Variants in ZNF510 observed in about 807,000 individuals in gnomAD.
ZNF510 encodes zinc finger protein 510.
Under a neutral mutation model 18.1 loss-of-function variants are expected in ZNF510, and 15 were observed. The ratio of observed to expected loss-of-function variants is 0.83; its 90% CI spans 0.55 to 1.28. The LOEUF is 1.28. Among genes scored for constraint, ZNF510 ranks in the 50% most tolerant of loss-of-function variants. ZNF510 has a pLI of 0.00. For synonymous variants in ZNF510, 261 were observed against 266.4 expected, an observed-to-expected ratio of 0.98 and a Z score of 0.20; for missense variants, 724 against 791.8, an observed-to-expected ratio of 0.91 and a Z score of 1.03.
intron 3 of ZNF510, among the ~76,000 whole-genome samples, chr9:96,768,758 A>G (rs1849528194): frequency 1.3e-5 from 2 of 152,166 alleles, no homozygotes; most frequent in South Asian, 2.1e-4. Context: ...TAAGATGACA[A>G]TACTCCCAAA....
rs373622527 is a variant in ZNF510, at chr9:96,759,104, C to T, written c.1726G>A (p.Glu576Lys). ...GTCCGGGCAAAAGTTTTCCCACATT[C>T]GTTACATTTGAATGGTTTCTCTCCC... is the stretch of plus-strand genomic sequence containing the variant. The part of the protein sequence containing the change: ...HTGEKPFKCN[E>K]CGKTFARTST... The change falls in exon 6 of 6, where the codon GAA (glutamate) becomes AAA (lysine). Residue 576 changes from glutamate to lysine, a missense_variant. By Grantham distance (56) the Glu-to-Lys change is moderately conservative. Transcript: ENST00000223428. The T allele has an allele frequency of 9.5e-5, 154 of 1,614,030 alleles. 1 individual carries two copies. Among genetic ancestry groups the T allele is most frequent in the East Asian group, 9.4e-4 (42 of 44,882 alleles).
intron 3 of ZNF510, among the ~76,000 whole-genome samples, chr9:96,772,955 A>G (rs1206176309): frequency 6.6e-6 from 1 of 152,228 alleles, no homozygotes; most frequent in Non-Finnish European, 1.5e-5. Context: ...CAAACAGGAA[A>G]AACAAATGAA....
In ZNF510 at chr9:96,760,339, A is replaced by G. The variant is rs1849315558; in HGVS notation, c.491T>C (p.Val164Ala). The G allele has an allele frequency of 6.2e-7, 1 of 1,613,776 alleles. No homozygotes were observed. ...CATTTTTGTTGAAGCAACAGCAGCT[A>G]CATGCAGAGTAAATGGTTTCCCCAA... ...KVLGKPFTLH[V>A]AAVASTKMSC... The change falls in exon 6 of 6, where the codon GTA becomes GCA. Residue 164 changes from valine to alanine, a missense_variant. Physicochemically the swap from Val to Ala is moderately conservative, Grantham distance 64. Coordinates refer to ENST00000223428, the MANE Select transcript of ZNF510 (RefSeq NM_014930.3).
rs147613661 is a variant in ZNF510, at chr9:96,776,441, C to T, written c.-176-196G>A. Among the ~76,000 whole-genome samples the T allele has an allele frequency of 3.6e-3, 553 of 152,250 alleles. 4 individuals are homozygous for T. The highest frequency in any genetic ancestry group is 0.013 in the African/African-American group (520 of 41,534). On this transcript the variant is annotated intron_variant, in intron 1 of 5. Transcript: ENST00000223428. ...GTTTAAGAGCATTTCTAAACATGCA[C>T]TAGACACTAGGACACCCCTTCTCCC...
chr9:96,768,594 A>G (rs1849523833), intron 3 of ZNF510, among the ~76,000 whole-genome samples: 1 of 152,142 alleles, frequency 6.6e-6, no homozygotes, highest in Non-Finnish European at 1.5e-5. Context: ...AATTCCACTT[A>G]CAATAGAACA....
At chr9:96,760,552 A>G (rs1208973061) in intron 5 of ZNF510, 75 bp from the exon 6 acceptor site, 3 of 1,275,910 alleles carry the variant, frequency 2.4e-6, no homozygotes, top group East Asian at 2.4e-5. Flanking sequence ...CATACAGCCT[A>G]TGTTGCACCT....
intron 3 of ZNF510, among the ~76,000 whole-genome samples, chr9:96,771,611 G>C (rs1849585991): frequency 1.3e-5 from 2 of 152,014 alleles, no homozygotes; most frequent in Admixed American, 1.3e-4. Context: ...CATTTTACTG[G>C]AAGTCCTAGC....
At chr9:96,773,855 C>T (rs990407186) in intron 3 of ZNF510, among the ~76,000 whole-genome samples, 2 of 152,196 alleles carry the variant, frequency 1.3e-5, no homozygotes, top group Non-Finnish European at 2.9e-5. Flanking sequence ...GGATCACAGG[C>T]GTGAGCCACT....
intron 3 of ZNF510, among the ~76,000 whole-genome samples, chr9:96,771,082 C>G (rs1849575745): frequency 6.6e-6 from 1 of 152,152 alleles, no homozygotes; most frequent in African/African-American, 2.4e-5. Context: ...TAACAGCAAT[C>G]TTAAACTCAT....
intron 5 of ZNF510, among the ~76,000 whole-genome samples, chr9:96,762,712 T>C (rs1027095822): frequency 3.3e-5 from 5 of 152,262 alleles, no homozygotes; most frequent in African/African-American, 7.2e-5. Context: ...TTGTGCTCCA[T>C]GAAAACTAAT....
At position 96,756,935 on chromosome 9, in the gene ZNF510, G is replaced by A. The variant is rs1849209064; in HGVS notation, c.*1843C>T. ...GACTTATGCGAATTACAGGGAATTA[G>A]AATTCTCTCTATAACTTATGGGAAT... On this transcript the variant is annotated 3_prime_UTR_variant, in exon 6 of 6. Coordinates refer to ENST00000223428, the MANE Select transcript of ZNF510 (RefSeq NM_014930.3). 1 of 152,242 alleles carries A rather than the reference G, an allele frequency of 6.6e-6. No individual in the cohort carries two copies. Among genetic ancestry groups the A allele is most frequent in the African/African-American group, 2.4e-5 (1 of 41,458 alleles). The allele number at this position is 152,242 out of a possible 1,614,324, so 9.4% of individuals were successfully genotyped here. A position where few individuals can be genotyped will look rare whatever the true frequency, so the allele number is the denominator to read the frequency against.
At chr9:96,766,122 T>C (rs1015816222) in intron 3 of ZNF510, among the ~76,000 whole-genome samples, 7 of 152,248 alleles carry the variant, frequency 4.6e-5, no homozygotes, top group African/African-American at 1.7e-4. Flanking sequence ...TCAGTGTTTG[T>C]AGTGACTTTT....
chr9:96,774,471 A>C (rs1179054271), intron 3 of ZNF510, among the ~76,000 whole-genome samples: 1 of 152,218 alleles, frequency 6.6e-6, no homozygotes, highest in Non-Finnish European at 1.5e-5. Flanking sequence ...ATTTTCCCTG[A>C]CTTTGATAAC....
chr9:96,762,426 G>A (rs188703697), intron 5 of ZNF510, among the ~76,000 whole-genome samples: 138 of 150,688 alleles, frequency 9.2e-4, no homozygotes, highest in Admixed American at 1.5e-3. Context: ...GGAGAATGGC[G>A]TAAACCTGGG....
At position 96,759,619 on chromosome 9, in the gene ZNF510, T is replaced by G; in HGVS notation, c.1211A>C (p.Tyr404Ser). The G allele has an allele frequency of 1.2e-6, 2 of 1,613,908 alleles. No homozygotes were observed. The highest frequency in any genetic ancestry group is 1.7e-6 in the Non-Finnish European group (2 of 1,179,994). Residue 404 changes from tyrosine to serine, a missense_variant, in exon 6 of 6, where the codon TAT (tyrosine) becomes TCT (serine). Coordinates refer to ENST00000223428, the MANE Select transcript of ZNF510 (RefSeq NM_014930.3). ...GGATTTCCCACATTCATTACATTTATAGGGTTTCATCATTGAGTGACTTCT... is the reference window on the plus strand; with the variant it reads ...GGATTTCCCACATTCATTACATTTAGAGGGTTTCATCATTGAGTGACTTCT... ...RRRSHSMMKP[Y>S]KCNECGKSFC...
Position 96,774,780 on chromosome 9 carries a change from T to C in ZNF510, c.129+8A>G. The C allele has an allele frequency of 6.2e-7, 1 of 1,611,908 alleles. No individual in the cohort carries two copies. Among genetic ancestry groups the C allele is most frequent in the Non-Finnish European group, 8.5e-7 (1 of 1,178,792 alleles). On this transcript the variant is annotated splice_region_variant and intron_variant, in intron 3 of 5. Transcript: ENST00000223428. ...CCATGATGAAAAAGGTATTAGTAAT[T>C]AACTCACCTGAGATATGTTCATTTT... is the stretch of plus-strand genomic sequence containing the variant.
intron 3 of ZNF510, among the ~76,000 whole-genome samples, chr9:96,769,530 T>C (rs10116293): frequency 0.037 from 5,666 of 152,056 alleles, 347 homozygotes; most frequent in African/African-American, 0.13. Context: ...AGTAAACCTT[T>C]ATGACCTTGG....
chr9:96,768,350 A>G (rs538571460), intron 3 of ZNF510, among the ~76,000 whole-genome samples: 1 of 152,178 alleles, frequency 6.6e-6, no homozygotes, highest in Non-Finnish European at 1.5e-5. Context: ...ATTATACTGG[A>G]AGTTCTAGCT....
At chr9:96,769,903 A>T (rs1237940451) in intron 3 of ZNF510, among the ~76,000 whole-genome samples, 1 of 152,214 alleles carries the variant, frequency 6.6e-6, no homozygotes, top group Non-Finnish European at 1.5e-5. Flanking sequence ...TAATTTTAAA[A>T]AAAGGGAAAA....
Sources: allele counts gnomAD v4.1 joint callset (sites outside exome capture counted in the v4.1 genomes callset), GRCh38; gene constraint gnomAD v4.1.1; transcripts MANE v1.5; gene names NCBI Gene and HGNC (gene_info 2026-07-23, HGNC 2026-07-21).